INTU: variants seen among roughly 807,000 people sequenced by gnomAD.
INTU encodes protein inturned.
In INTU, 68 loss-of-function variants were observed where a neutral mutation model predicts 100.5. That is an observed-to-expected ratio of 0.68 (90% confidence interval 0.56 to 0.83). INTU has a LOEUF of 0.83. Ranked by LOEUF, INTU falls within the 40% of genes least tolerant of loss-of-function variation. The pLI is 0.00. For missense variants in INTU, 1,071 were observed against 1,114.7 expected, an observed-to-expected ratio of 0.96 and a Z score of 0.56; for synonymous variants, 357 against 395.7, an observed-to-expected ratio of 0.90 and a Z score of 1.16.
intron 9 of INTU, among the ~76,000 whole-genome samples, chr4:127,701,101 C>T (rs1730627799): frequency 6.6e-6 from 1 of 152,082 alleles, no homozygotes; most frequent in Admixed American, 6.6e-5. Flanking sequence ...GATGGAAGCA[C>T]ACAGAACACC....
intron 1 of INTU, among the ~76,000 whole-genome samples, chr4:127,636,565 T>C (rs1437820483): frequency 2.1e-5 from 3 of 146,338 alleles, no homozygotes; most frequent in Non-Finnish European, 3.0e-5. Context: ...TGAGCCGAGA[T>C]CGCACCATTG....
intron 15 of INTU, among the ~76,000 whole-genome samples, chr4:127,714,827 T>C (rs546234663): frequency 1.3e-5 from 2 of 152,064 alleles, no homozygotes; most frequent in Non-Finnish European, 2.9e-5. Context: ...TGGCACATAA[T>C]ATAGTCACTT....
rs942893217 is a variant in INTU at position 127,719,134 on chromosome 4, T to A, written c.*2698T>A. ...GCTGTGAGTCTGTCATAAATGGCTCTTATTATTTTGAAGTATGTTCCTTCA... is the reference window on the plus strand; with the variant it reads ...GCTGTGAGTCTGTCATAAATGGCTCATATTATTTTGAAGTATGTTCCTTCA... On this transcript the variant is annotated 3_prime_UTR_variant, in exon 16 of 16. Transcript: ENST00000335251. 6.6e-6 allele frequency: 1 copy of A among 152,210 alleles called. No individual in the cohort carries two copies. Among genetic ancestry groups the A allele is most frequent in the African/African-American group, 2.4e-5 (1 of 41,458 alleles). The allele number at this position is 152,210 out of a possible 1,614,324, so 9.4% of individuals were successfully genotyped here. A position where few individuals can be genotyped will look rare whatever the true frequency, so the allele number is the denominator to read the frequency against.
At chr4:127,653,448 C>T (rs1365643216) in intron 2 of INTU, among the ~76,000 whole-genome samples, 3 of 148,450 alleles carry the variant, frequency 2.0e-5, no homozygotes, top group African/African-American at 2.5e-5. Flanking sequence ...TTTCAAAGAA[C>T]ATCTTTATTT....
At chr4:127,679,073 C>T (rs1056400089) in intron 6 of INTU, among the ~76,000 whole-genome samples, 1 of 151,958 alleles carries the variant, frequency 6.6e-6, no homozygotes, top group African/African-American at 2.4e-5. Context: ...TATATATGCG[C>T]CCAATACAGG....
intron 6 of INTU, among the ~76,000 whole-genome samples, chr4:127,676,256 G>C (rs1729173719): frequency 6.6e-6 from 1 of 151,950 alleles, no homozygotes; most frequent in African/African-American, 2.4e-5. Flanking sequence ...ACTGTCCTTT[G>C]GGTTTGGATT....
intron 4 of INTU, among the ~76,000 whole-genome samples, chr4:127,665,491 A>G (rs1272006125): frequency 1.3e-5 from 2 of 151,922 alleles, no homozygotes; most frequent in African/African-American, 4.8e-5. Flanking sequence ...TTATCTGATG[A>G]TGTCTTCTTT....
rs1255049525 is a variant in INTU, at chr4:127,719,606, T to TG, written c.*3172dup. The TG allele has an allele frequency of 6.6e-6, 1 of 152,206 alleles. No individual in the cohort carries two copies. Among genetic ancestry groups the TG allele is most frequent in the Non-Finnish European group, 1.5e-5 (1 of 68,040 alleles). 9.4% of individuals were successfully genotyped at this position (152,206 alleles called of 1,614,324 possible). On this transcript the variant is annotated 3_prime_UTR_variant, in exon 16 of 16. Coordinates refer to ENST00000335251, the MANE Select transcript of INTU (RefSeq NM_015693.4). ...GGCAGAATTCAGCTGTAGATCCATC[T>TG]GGTCCTGGGCTTTTTTTGGTTGGTA...
chr4:127,699,597 G>A (rs897613326), intron 8 of INTU, among the ~76,000 whole-genome samples: 1 of 152,180 alleles, frequency 6.6e-6, no homozygotes, highest in Non-Finnish European at 1.5e-5. Context: ...CTCAAAATAA[G>A]TTGGCTACTT....
intron 2 of INTU, among the ~76,000 whole-genome samples, chr4:127,653,548 A>G (rs1444036134): frequency 1.3e-5 from 2 of 152,108 alleles, no homozygotes; most frequent in Non-Finnish European, 2.9e-5. Flanking sequence ...GAGATTCTTA[A>G]TCCTGAGTTG....
intron 14 of INTU, among the ~76,000 whole-genome samples, chr4:127,713,099 G>A (rs1030256095): frequency 6.6e-6 from 1 of 152,224 alleles, no homozygotes; most frequent in Admixed American, 6.5e-5. Flanking sequence ...TTCTGAAAGA[G>A]ATGATACATT....
At chr4:127,647,886 G>C (rs969274538) in intron 2 of INTU, among the ~76,000 whole-genome samples, 26 of 152,014 alleles carry the variant, frequency 1.7e-4, no homozygotes. Flanking sequence ...AAACACAGCA[G>C]TAAACAAACT....
In INTU at chr4:127,706,470, A is replaced by G; in HGVS notation, c.1789-17A>G. ...TCATGGTAGCTAAACCTACATTTGT[A>G]ATTTTTTTCCCTATAGAAACATTAT... On this transcript the variant is annotated splice_polypyrimidine_tract_variant and intron_variant, in intron 11 of 15. Coordinates refer to ENST00000335251, the MANE Select transcript of INTU (RefSeq NM_015693.4). 1 of 1,578,192 alleles carries G rather than the reference A, an allele frequency of 6.3e-7. No individual in the cohort carries two copies. The highest frequency in any genetic ancestry group is 2.3e-5 in the East Asian group (1 of 44,440).
intron 2 of INTU, among the ~76,000 whole-genome samples, chr4:127,654,253 G>C (rs1245459449): frequency 1.3e-5 from 2 of 152,022 alleles, no homozygotes; most frequent in East Asian, 3.8e-4. Flanking sequence ...GTGTGAATTT[G>C]ATCCTGTCAT....
Position 127,725,671 on chromosome 4 carries a change from TAAA to T in INTU, c.*9238_*9240del, listed in dbSNP as rs1421426795. ...TGAGACCATCGCTCAATAATGGAAA[TAAA>T]AAGGCAGAGCAGACTACTGATCTTA... is the stretch of plus-strand genomic sequence containing the variant. On this transcript the variant is annotated 3_prime_UTR_variant, in exon 16 of 16. Coordinates refer to ENST00000335251, the MANE Select transcript of INTU (RefSeq NM_015693.4). 1 of 152,172 alleles carries T rather than the reference TAAA, an allele frequency of 6.6e-6. No homozygotes were observed. The highest frequency in any genetic ancestry group is 1.5e-5 in the Non-Finnish European group (1 of 68,012). The allele number at this position is 152,172 out of a possible 1,614,324, so 9.4% of individuals were successfully genotyped here.
At position 127,676,114 on chromosome 4, in the gene INTU, G is replaced by A. The variant is rs574548848; in HGVS notation, c.1181+1901G>A. The A allele has an allele frequency of 8.4e-5, 14 of 166,418 alleles. No homozygotes were observed. The Middle Eastern group carries it at 1.8e-3, about 22-fold the overall frequency. 10.3% of individuals were successfully genotyped at this position (166,418 alleles called of 1,614,324 possible). On this transcript the variant is annotated intron_variant, in intron 6 of 15. Coordinates refer to ENST00000335251, the MANE Select transcript of INTU (RefSeq NM_015693.4). ...GAAATATAATCCACCATAAATGTGG[G>A]GTTCAAATCTTTTTACATGGAGGGA...
chr4:127,689,458 T>G (rs1730004089), intron 8 of INTU, among the ~76,000 whole-genome samples: 1 of 152,096 alleles, frequency 6.6e-6, no homozygotes. Flanking sequence ...AAGACCAGCC[T>G]GGACAACATA....
rs553066287 is a variant in INTU at position 127,716,279 on chromosome 4, T to TTTG, written c.2718-40_2718-38dup. 388 of 894,204 alleles carry TTTG rather than the reference T, an allele frequency of 4.3e-4. 2 individuals carry two copies. In the African/African-American group the frequency reaches 5.9e-3, roughly 14 times the overall value. 55.4% of individuals were successfully genotyped at this position (894,204 alleles called of 1,614,324 possible). ...AATTGGATGGTTAGAGTTTTTGTTG[T>TTTG]TTGTTGTTTTAATTTCTGAAATGAG... On this transcript the variant is annotated intron_variant, in intron 15 of 15. Transcript: ENST00000335251.
rs115937372 is a variant in INTU at position 127,657,785 on chromosome 4, G to A, written c.768+1064G>A. ...TCTAGTTGCAGGAAAACAGATTCAG[G>A]GTTCCCACTGATTCTACATTATGGT... On this transcript the variant is annotated intron_variant, in intron 3 of 15. Coordinates refer to ENST00000335251, the MANE Select transcript of INTU (RefSeq NM_015693.4). Among the ~76,000 whole-genome samples, 1,014 of 151,492 alleles carry A rather than the reference G, an allele frequency of 6.7e-3. 12 individuals carry two copies. Among genetic ancestry groups the A allele is most frequent in the Middle Eastern group, 0.024 (7 of 292 alleles).
Sources: gnomAD v4.1 joint callset for allele counts (sites outside exome capture counted in the v4.1 genomes callset) on GRCh38, gnomAD v4.1.1 for gene constraint, MANE v1.5 for transcripts, NCBI Gene and HGNC (gene_info 2026-07-23, HGNC 2026-07-21) for gene names.